Variants in HERC4 observed in about 807,000 individuals in gnomAD.
HERC4 encodes the protein HECT and RLD domain containing E3 ubiquitin protein ligase 4, also known as probable E3 ubiquitin-protein ligase HERC4.
In HERC4, 28 loss-of-function variants were observed where a neutral mutation model predicts 124.3. The ratio of observed to expected loss-of-function variants is 0.23; its 90% CI spans 0.17 to 0.31. The LOEUF is 0.31. Among genes scored for constraint, HERC4 ranks in the 10% least tolerant of loss-of-function variants. The pLI, the probability that HERC4 is intolerant of heterozygous loss-of-function variation, is 1.00. For synonymous variants in HERC4, 407 were observed against 421.5 expected (o/e 0.97, Z 0.42); for missense variants, 713 against 1,229.3 (o/e 0.58, Z 6.28).
At chr10:68,059,360 T>C (rs1420350057) in intron 3 of HERC4, among the ~76,000 whole-genome samples, 1 of 148,476 alleles carries the variant, frequency 6.7e-6, no homozygotes, top group African/African-American at 2.5e-5. Flanking sequence ...TCCTCAGTAA[T>C]GCTTTCAAGT....
chr10:68,069,241 T>C (rs1008329431), intron 3 of HERC4: 10 of 953,700 alleles, frequency 1.0e-5, no homozygotes, highest in African/African-American at 3.5e-5. Flanking sequence ...TTTAAATGGA[T>C]TGGTCTAGCG....
chr10:67,941,162 T>A, intron 19 of HERC4, 57 bp from the exon 20 acceptor site: 3 of 1,214,226 alleles, frequency 2.5e-6, no homozygotes, highest in Non-Finnish European at 2.3e-6. Context: ...TTAAATTTTC[T>A]AAGATTACAT....
intron 16 of HERC4, among the ~76,000 whole-genome samples, chr10:67,957,566 C>T (rs1202037716): frequency 2.0e-5 from 3 of 152,060 alleles, no homozygotes; most frequent in Admixed American, 1.3e-4. Flanking sequence ...ATTACTTATC[C>T]TGGCAGGTAA....
At chr10:68,004,403 G>A (rs1319880496) in intron 9 of HERC4, among the ~76,000 whole-genome samples, 3 of 152,030 alleles carry the variant, frequency 2.0e-5, no homozygotes, top group Non-Finnish European at 4.4e-5. Context: ...AATTTGATGT[G>A]ATCCCATTTG....
At position 67,959,197 on chromosome 10, in the gene HERC4, T is replaced by C. The variant is rs1284247356; in HGVS notation, c.1927-2221A>G. ...AAAGAGCAATATTAGTGTCCAAATTTAACTATTTCTATTCAAGGTAGCATT... is the reference window on the plus strand; with the variant it reads ...AAAGAGCAATATTAGTGTCCAAATTCAACTATTTCTATTCAAGGTAGCATT... On this transcript the variant is annotated intron_variant, in intron 16 of 24. Coordinates refer to ENST00000373700, the MANE Select transcript of HERC4 (RefSeq NM_015601.4). 6 of 1,433,936 alleles carry C rather than the reference T, an allele frequency of 4.2e-6. No homozygotes were observed. In the East Asian group the frequency reaches 1.4e-4, roughly 35 times the overall value. 88.8% of individuals were successfully genotyped at this position (1,433,936 alleles called of 1,614,324 possible). A position where few individuals can be genotyped will look rare whatever the true frequency, so the allele number is the denominator to read the frequency against.
In HERC4 at chr10:68,034,982, C is replaced by T. The variant is rs117468510; in HGVS notation, c.464-796G>A. Among the ~76,000 whole-genome samples the T allele has an allele frequency of 7.0e-3, 1,059 of 152,160 alleles. 9 individuals are homozygous for T. Among genetic ancestry groups the T allele is most frequent in the Admixed American group, 0.017 (266 of 15,264 alleles). On this transcript the variant is annotated intron_variant, in intron 5 of 24. Coordinates refer to ENST00000373700, the MANE Select transcript of HERC4 (RefSeq NM_015601.4). The stretch of plus-strand genomic sequence containing the variant: ...GCCTGTCACTTTTGCTCCCATATTG[C>T]CATCGTATTTTGCAACTTTAGACAT...
At chr10:68,025,905 T>C (rs2038874699) in intron 7 of HERC4, among the ~76,000 whole-genome samples, 1 of 152,212 alleles carries the variant, frequency 6.6e-6, no homozygotes, top group Non-Finnish European at 1.5e-5. Context: ...ACTGAAGAGA[T>C]ACAAATAATT....
chr10:67,991,510 T>A (rs1418542357), intron 11 of HERC4, among the ~76,000 whole-genome samples: 1 of 152,180 alleles, frequency 6.6e-6, no homozygotes. Flanking sequence ...TTTTTTAATT[T>A]AAAAAAATTT....
chr10:68,059,170 T>A (rs1013217335), intron 3 of HERC4, among the ~76,000 whole-genome samples: 3 of 152,008 alleles, frequency 2.0e-5, no homozygotes, highest in African/African-American at 4.8e-5. Flanking sequence ...TTTTAGAATT[T>A]TCCTAGCTTT....
chr10:68,025,416 A>G (rs2038850748), intron 8 of HERC4, 130 bp downstream of exon 8: 3 of 955,186 alleles, frequency 3.1e-6, no homozygotes, highest in Admixed American at 2.5e-5. Context: ...ATGACTCCTC[A>G]GTGGCAAAAT....
chr10:68,019,000 T>G (rs2038439080), intron 8 of HERC4, among the ~76,000 whole-genome samples: 1 of 146,984 alleles, frequency 6.8e-6, no homozygotes, highest in African/African-American at 2.5e-5. Flanking sequence ...TTTCTTTTTT[T>G]TTTTTTTTTT....
chr10:67,970,749 T>G (rs2035186075), intron 15 of HERC4, among the ~76,000 whole-genome samples: 1 of 151,748 alleles, frequency 6.6e-6, no homozygotes, highest in South Asian at 2.1e-4. Context: ...ACATAAAAAT[T>G]TGTGGGATGC....
chr10:67,990,155 A>G, intron 14 of HERC4, 56 bp downstream of exon 14: 1 of 1,404,836 alleles, frequency 7.1e-7, no homozygotes, highest in Non-Finnish European at 9.7e-7. Flanking sequence ...AGAACTTATG[A>G]AGCATTTTCA....
At chr10:68,037,134 G>A (rs1237972574) in intron 5 of HERC4, among the ~76,000 whole-genome samples, 2 of 131,218 alleles carry the variant, frequency 1.5e-5, no homozygotes, top group East Asian at 2.3e-4. Context: ...TCGCTCTGTC[G>A]CCCAGGCTGG....
intron 3 of HERC4, among the ~76,000 whole-genome samples, chr10:68,060,707 C>T (rs368796323): frequency 1.1e-4 from 17 of 152,068 alleles, no homozygotes; most frequent in African/African-American, 3.4e-4. Context: ...ATGAATAGTT[C>T]TATGTTCTGG....
intron 3 of HERC4, among the ~76,000 whole-genome samples, chr10:68,059,477 A>AT (rs1564606810): frequency 1.0e-4 from 13 of 128,480 alleles, no homozygotes; most frequent in African/African-American, 3.8e-4. Flanking sequence ...TATATATTAT[A>AT]ATATTATATA....
At chr10:68,000,208 G>A (rs1274868413) in intron 9 of HERC4, among the ~76,000 whole-genome samples, 2 of 152,128 alleles carry the variant, frequency 1.3e-5, no homozygotes. Context: ...GGGCGATGCT[G>A]AGGATACCCT....
intron 20 of HERC4, among the ~76,000 whole-genome samples, chr10:67,940,562 G>A (rs2032790730): frequency 6.6e-6 from 1 of 152,090 alleles, no homozygotes; most frequent in Non-Finnish European, 1.5e-5. Flanking sequence ...TGGGACTACA[G>A]GCGTGGGCCA....
At chr10:68,014,605 G>A (rs2038151652) in intron 8 of HERC4, among the ~76,000 whole-genome samples, 1 of 152,254 alleles carries the variant, frequency 6.6e-6, no homozygotes, top group African/African-American at 2.4e-5. Context: ...GCTAAGAAAT[G>A]GGAAGTAATC....
Sources: allele counts gnomAD v4.1 joint callset (sites outside exome capture counted in the v4.1 genomes callset), GRCh38; gene constraint gnomAD v4.1.1; transcripts MANE v1.5; gene names NCBI Gene and HGNC (gene_info 2026-07-23, HGNC 2026-07-21).